The following ITPR2 variants were observed in gnomAD, a reference collection of about 807,000 sequenced individuals.
ITPR2 encodes the protein inositol 1,4,5-trisphosphate receptor type 2, also known as inositol 1,4,5-trisphosphate-gated calcium channel ITPR2.
In ITPR2, 207 loss-of-function variants were observed where a neutral mutation model predicts 317.1. That is an observed-to-expected ratio of 0.65 (90% CI 0.58 to 0.73). The LOEUF (loss-of-function observed/expected upper bound fraction) is 0.73, where lower values mean the gene tolerates loss of function less well. ITPR2 is among the 30% of genes least tolerant of loss of function. The pLI, the probability that ITPR2 is intolerant of heterozygous loss-of-function variation, is 0.00. For synonymous variants in ITPR2, 1,156 were observed against 1,149.1 expected, an observed-to-expected ratio of 1.01 and a Z score of -0.12; for missense variants, 2,613 against 3,284.0, an observed-to-expected ratio of 0.80 and a Z score of 4.99.
intron 41 of ITPR2, among the ~76,000 whole-genome samples, chr12:26,484,453 A>T (rs1591820823): frequency 6.6e-6 from 1 of 152,258 alleles, no homozygotes; most frequent in Admixed American, 6.5e-5. Context: ...ACTTCTAAAA[A>T]AGTTTTTCTA....
intron 8 of ITPR2, among the ~76,000 whole-genome samples, chr12:26,715,051 T>G (rs1358857263): frequency 6.6e-6 from 1 of 151,800 alleles, no homozygotes. Flanking sequence ...TTTGTAAATG[T>G]GTGTGTGTGT....
At chr12:26,512,883 C>A (rs7308039) in intron 37 of ITPR2, among the ~76,000 whole-genome samples, 3 of 148,598 alleles carry the variant, frequency 2.0e-5, no homozygotes, top group African/African-American at 7.5e-5. Flanking sequence ...AGTGCAGTGG[C>A]GCGATTTCGG....
intron 55 of ITPR2, among the ~76,000 whole-genome samples, chr12:26,352,341 C>A (rs1938508480): frequency 6.6e-6 from 1 of 152,230 alleles, no homozygotes; most frequent in Non-Finnish European, 1.5e-5. Flanking sequence ...CAGCTTCCAG[C>A]ACTCAACAAT....
At chr12:26,673,573 C>G (rs1305654423) in intron 13 of ITPR2, among the ~76,000 whole-genome samples, 2 of 151,250 alleles carry the variant, frequency 1.3e-5, no homozygotes, top group East Asian at 3.9e-4. Context: ...CTATGACAAA[C>G]CCACAGCCAA....
intron 2 of ITPR2, among the ~76,000 whole-genome samples, chr12:26,775,228 C>T (rs1360461253): frequency 2.0e-5 from 3 of 151,992 alleles, no homozygotes; most frequent in African/African-American, 7.3e-5. Context: ...TATCACAATA[C>T]ATACCTTTTA....
chr12:26,356,717 G>A (rs1231939997), intron 55 of ITPR2, among the ~76,000 whole-genome samples: 2 of 152,052 alleles, frequency 1.3e-5, no homozygotes, highest in Non-Finnish European at 2.9e-5. Context: ...TTTTCTCATT[G>A]ATTGATTGAT....
At chr12:26,426,592 C>T (rs928623591) in intron 49 of ITPR2, among the ~76,000 whole-genome samples, 2 of 152,090 alleles carry the variant, frequency 1.3e-5, no homozygotes, top group Admixed American at 1.3e-4. Flanking sequence ...TGATAGACTT[C>T]TTTGTAGGTA....
At position 26,486,279 on chromosome 12, in the gene ITPR2, C is replaced by A. The variant is rs1304070877; in HGVS notation, c.5636G>T (p.Cys1879Phe). 3.7e-6 allele frequency: 6 copies of A among 1,613,896 alleles called. No individual in the cohort carries two copies. In the African/African-American group the frequency reaches 8.0e-5, roughly 22 times the overall value. The change falls in exon 41 of 57, where the codon TGT (cysteine) becomes TTT (phenylalanine). Residue 1879 changes from cysteine (C) to phenylalanine (F), a missense_variant. Transcript: ENST00000381340. ...TGGATCCATTTCTCTTCTGTATACACAATATGCTTTGGATGTTGCTGAAGA... is the reference window on the plus strand; with the variant it reads ...TGGATCCATTTCTCTTCTGTATACAAAATATGCTTTGGATGTTGCTGAAGA... ...EASSATSKAY[C>F]VYRREMDPEI...
chr12:26,482,324 T>C (rs1417729222), intron 42 of ITPR2, among the ~76,000 whole-genome samples: 2 of 152,224 alleles, frequency 1.3e-5, no homozygotes, highest in Non-Finnish European at 2.9e-5. Flanking sequence ...GAATTATATG[T>C]GGGGTTCATG....
chr12:26,712,259 T>A (rs118175305), intron 8 of ITPR2, among the ~76,000 whole-genome samples: 1 of 152,238 alleles, frequency 6.6e-6, no homozygotes, highest in Non-Finnish European at 1.5e-5. Context: ...CTTTCATGAC[T>A]CTCCCTCAGC....
chr12:26,339,543 G>T, intron 56 of ITPR2, 60 bp from the exon 57 acceptor site: 1 of 1,318,028 alleles, frequency 7.6e-7, no homozygotes, highest in Non-Finnish European at 1.1e-6. Context: ...CAGTGCTGGT[G>T]GGCCACAACC....
intron 21 of ITPR2, among the ~76,000 whole-genome samples, chr12:26,637,579 T>C (rs1296374364): frequency 6.6e-6 from 1 of 152,104 alleles, no homozygotes; most frequent in African/African-American, 2.4e-5. Context: ...TAAAATTATA[T>C]AATATGTGCA....
In ITPR2 at chr12:26,637,892, C is replaced by T. The variant is rs140592317; in HGVS notation, c.2741-5833G>A. 8.5e-5 allele frequency among the ~76,000 whole-genome samples: 13 copies of T among 152,130 alleles called. 1 individual carries two copies. Among genetic ancestry groups the T allele is most frequent in the Admixed American group, 8.5e-4 (13 of 15,284 alleles). The stretch of plus-strand genomic sequence containing the variant: ...ATGGAAGAAGCAGATAATATGATAC[C>T]TAATTTTCTTCATTCTAAATAAAAC... On this transcript the variant is annotated intron_variant, in intron 21 of 56. Coordinates refer to ENST00000381340, the MANE Select transcript of ITPR2 (RefSeq NM_002223.4).
intron 2 of ITPR2, among the ~76,000 whole-genome samples, chr12:26,763,861 T>C (rs966367963): frequency 2.0e-5 from 3 of 151,982 alleles, no homozygotes; most frequent in African/African-American, 7.2e-5. Context: ...TAGCCTCTAT[T>C]ACATAAAAGG....
At chr12:26,813,725 G>A (rs369879844) in intron 1 of ITPR2, among the ~76,000 whole-genome samples, 9 of 152,144 alleles carry the variant, frequency 5.9e-5, no homozygotes, top group African/African-American at 1.7e-4. Flanking sequence ...AAAAGGACTC[G>A]GATAATTCTC....
At chr12:26,620,045 C>G (rs1946457984) in intron 26 of ITPR2, among the ~76,000 whole-genome samples, 1 of 152,170 alleles carries the variant, frequency 6.6e-6, no homozygotes, top group East Asian at 1.9e-4. Context: ...ACTTTATTAC[C>G]TGGCATTCAG....
intron 37 of ITPR2, among the ~76,000 whole-genome samples, chr12:26,503,190 A>AAAACACACACACACACACACAC (rs1491093640): frequency 4.3e-5 from 6 of 139,122 alleles, no homozygotes; most frequent in Admixed American, 3.6e-4. Flanking sequence ...GCCCCCCACC[A>AAAACACACACACACACACACAC]ACACACACAC....
At chr12:26,340,018 G>A (rs1938052922) in intron 56 of ITPR2, 149 bp downstream of exon 56, 1 of 618,582 alleles carries the variant, frequency 1.6e-6, no homozygotes, top group Non-Finnish European at 2.5e-6. Flanking sequence ...TTGCTGGGAT[G>A]TGGTTCTACA....
intron 37 of ITPR2, among the ~76,000 whole-genome samples, chr12:26,519,422 C>T (rs1248433563): frequency 6.6e-6 from 1 of 152,082 alleles, no homozygotes; most frequent in Non-Finnish European, 1.5e-5. Flanking sequence ...AGCAAAAGTC[C>T]TATGATTATG....
Sources: gnomAD v4.1 joint callset for allele counts (sites outside exome capture counted in the v4.1 genomes callset) on GRCh38, gnomAD v4.1.1 for gene constraint, MANE v1.5 for transcripts, NCBI Gene and HGNC (gene_info 2026-07-23, HGNC 2026-07-21) for gene names.